The following RGS7 variants were observed in gnomAD, a reference collection of about 807,000 sequenced individuals.
RGS7 encodes the protein regulator of G protein signaling 7.
A neutral mutation model predicts 81.1 loss-of-function variants in RGS7; 27 were observed. That is an observed-to-expected ratio of 0.33 (90% CI 0.25 to 0.46). The LOEUF is 0.46. Ranked by LOEUF, RGS7 falls within the 20% of genes least tolerant of loss-of-function variation. The probability of loss-of-function intolerance (pLI) is 1.00; values close to 1 mark genes in which losing one functional copy is unlikely to be tolerated. For synonymous variants in RGS7, 208 were observed against 207.7 expected, an observed-to-expected ratio of 1.00 and a Z score of -0.01; for missense variants, 396 against 607.4, an observed-to-expected ratio of 0.65 and a Z score of 3.66.
chr1:241,002,042 C>T (rs1688222653), intron 3 of RGS7, among the ~76,000 whole-genome samples: 1 of 152,078 alleles, frequency 6.6e-6, no homozygotes, highest in South Asian at 2.1e-4. Flanking sequence ...CTGGTTGGGA[C>T]TTGTTGGTAG....
intron 2 of RGS7, among the ~76,000 whole-genome samples, chr1:241,135,296 G>A (rs1332866387): frequency 2.0e-5 from 3 of 152,132 alleles, no homozygotes; most frequent in Non-Finnish European, 2.9e-5. Context: ...ATGTAGTGGC[G>A]GGCACCTGTA....
intron 2 of RGS7, among the ~76,000 whole-genome samples, chr1:241,209,207 C>T (rs1229117744): frequency 1.3e-5 from 2 of 152,150 alleles, no homozygotes; most frequent in Non-Finnish European, 2.9e-5. Context: ...TTTAACAGTG[C>T]TTTGATGGCC....
intron 9 of RGS7, among the ~76,000 whole-genome samples, chr1:240,854,473 C>T (rs1660712390): frequency 6.6e-6 from 1 of 152,124 alleles, no homozygotes. Context: ...AATAACACTC[C>T]AATTTCACCC....
chr1:241,119,491 A>G (rs1433517134), intron 2 of RGS7, among the ~76,000 whole-genome samples: 2 of 152,220 alleles, frequency 1.3e-5, no homozygotes, highest in Non-Finnish European at 2.9e-5. Context: ...ACTTTTAACA[A>G]TGAACTTTTC....
intron 3 of RGS7, among the ~76,000 whole-genome samples, chr1:241,030,630 T>C (rs1217121746): frequency 6.6e-6 from 1 of 151,748 alleles, no homozygotes; most frequent in Non-Finnish European, 1.5e-5. Context: ...TCTTAAAACT[T>C]GGCTCATTCT....
At chr1:240,787,750 C>T (rs6702723) in intron 18 of RGS7, among the ~76,000 whole-genome samples, 21,040 of 151,984 alleles carry the variant, frequency 0.14, 3,324 homozygotes, top group African/African-American at 0.39. Context: ...GGGTAAAGAG[C>T]CAACATACAC....
intron 2 of RGS7, among the ~76,000 whole-genome samples, chr1:241,292,467 T>C (rs898529488): frequency 7.2e-5 from 11 of 152,130 alleles, no homozygotes; most frequent in African/African-American, 2.4e-4. Flanking sequence ...GCTTGTGTAG[T>C]GTAGTGGGCT....
intron 3 of RGS7, among the ~76,000 whole-genome samples, chr1:241,043,186 T>G (rs1298452505): frequency 6.6e-6 from 1 of 152,124 alleles, no homozygotes; most frequent in Non-Finnish European, 1.5e-5. Flanking sequence ...ATTTCCTGAG[T>G]CTTTAAAATG....
chr1:241,039,885 T>C (rs1423832459), intron 3 of RGS7, among the ~76,000 whole-genome samples: 1 of 152,212 alleles, frequency 6.6e-6, no homozygotes, highest in African/African-American at 2.4e-5. Context: ...AAATTACATG[T>C]TCAATAAATA....
chr1:240,831,630 C>CT (rs767275119), intron 9 of RGS7, among the ~76,000 whole-genome samples: 5,915 of 135,324 alleles, frequency 0.044, 146 homozygotes, highest in Admixed American at 0.063. Flanking sequence ...TCCAGACATC[C>CT]TTTTTTTTTT....
At chr1:240,917,418 A>G (rs1461044120) in intron 6 of RGS7, among the ~76,000 whole-genome samples, 1 of 152,162 alleles carries the variant, frequency 6.6e-6, no homozygotes, top group African/African-American at 2.4e-5. Context: ...ACCAGCAACA[A>G]TGCAATTGGT....
At chr1:241,105,493 T>C (rs942398336) in intron 2 of RGS7, among the ~76,000 whole-genome samples, 5 of 152,230 alleles carry the variant, frequency 3.3e-5, no homozygotes, top group Non-Finnish European at 7.3e-5. Context: ...AGGAGCATAT[T>C]ACACAGGTCC....
At chr1:240,999,128 T>C (rs1453579297) in intron 3 of RGS7, among the ~76,000 whole-genome samples, 1 of 152,284 alleles carries the variant, frequency 6.6e-6, no homozygotes, top group East Asian at 1.9e-4. Flanking sequence ...CTTTTTGATG[T>C]TGTCCTTTTC....
intron 2 of RGS7, among the ~76,000 whole-genome samples, chr1:241,211,329 C>T (rs1381772050): frequency 6.6e-6 from 1 of 152,124 alleles, no homozygotes; most frequent in Non-Finnish European, 1.5e-5. Context: ...GCAGGCATAG[C>T]ACAATATTAG....
intron 2 of RGS7, among the ~76,000 whole-genome samples, chr1:241,311,293 C>T (rs542333997): frequency 6.6e-6 from 1 of 152,164 alleles, no homozygotes; most frequent in Admixed American, 6.5e-5. Context: ...CAGGGTGCAA[C>T]GCTCTAAAAA....
Position 241,244,059 on chromosome 1 carries a change from C to T in RGS7, c.78+111640G>A, listed in dbSNP as rs748299357. On this transcript the variant is annotated intron_variant, in intron 2 of 18. Transcript: ENST00000440928. ...ATTATTTTCTTTAGAGCAAGATTCC[C>T]TTTCCAAGTATGAACTTAAACTGAC... is the stretch of plus-strand genomic sequence containing the variant. 3.8e-4 allele frequency among the ~76,000 whole-genome samples: 58 copies of T among 152,090 alleles called. 1 individual carries two copies. The highest frequency in any genetic ancestry group is 9.2e-4 in the Admixed American group (14 of 15,266).
intron 2 of RGS7, among the ~76,000 whole-genome samples, chr1:241,336,147 G>A (rs2082235091): frequency 1.3e-5 from 2 of 152,120 alleles, no homozygotes; most frequent in East Asian, 3.9e-4. Context: ...ATTATCTGAG[G>A]AGTAGAGAGG....
intron 2 of RGS7, among the ~76,000 whole-genome samples, chr1:241,183,374 T>C (rs2071805730): frequency 6.6e-6 from 1 of 152,206 alleles, no homozygotes; most frequent in African/African-American, 2.4e-5. Flanking sequence ...TCCATCTGAA[T>C]AGGCAGGACT....
At chr1:240,940,022 G>A (rs978528832) in intron 4 of RGS7, among the ~76,000 whole-genome samples, 6 of 152,292 alleles carry the variant, frequency 3.9e-5, no homozygotes, top group African/African-American at 1.2e-4. Context: ...GGAGGTTGTA[G>A]TTAGCAGAGA....
Sources: gnomAD v4.1 joint callset for allele counts (sites outside exome capture counted in the v4.1 genomes callset) on GRCh38, gnomAD v4.1.1 for gene constraint, MANE v1.5 for transcripts, NCBI Gene and HGNC (gene_info 2026-07-23, HGNC 2026-07-21) for gene names.